Variants in BABAM2 observed in about 807,000 individuals in gnomAD.
BABAM2 encodes BRISC and BRCA1-A complex member 2.
Under a neutral mutation model 54.7 loss-of-function variants are expected in BABAM2, and 31 were observed. The ratio of observed to expected loss-of-function variants is 0.57; its 90% CI spans 0.43 to 0.77. The LOEUF is 0.77. Among genes scored for constraint, BABAM2 ranks in the 30% least tolerant of loss-of-function variants. The pLI is 0.00. For synonymous variants in BABAM2, 167 were observed against 162.9 expected, an observed-to-expected ratio of 1.03 and a Z score of -0.19; for missense variants, 364 against 455.8, an observed-to-expected ratio of 0.80 and a Z score of 1.83.
chr2:28,050,285 C>T (rs751639914), intron 6 of BABAM2, among the ~76,000 whole-genome samples: 2 of 152,202 alleles, frequency 1.3e-5, no homozygotes, highest in Non-Finnish European at 2.9e-5. Flanking sequence ...ACTTCTATGT[C>T]GTAGCCATGG....
intron 10 of BABAM2, among the ~76,000 whole-genome samples, chr2:28,265,174 T>C (rs776494201): frequency 6.6e-6 from 1 of 152,128 alleles, no homozygotes; most frequent in Non-Finnish European, 1.5e-5. Context: ...CGGTGGCTCA[T>C]GTCTGTAATC....
At chr2:28,129,118 T>C (rs1175192729) in intron 6 of BABAM2, among the ~76,000 whole-genome samples, 153 bp from the exon 7 acceptor site, 1 of 151,968 alleles carries the variant, frequency 6.6e-6, no homozygotes, top group Non-Finnish European at 1.5e-5. Context: ...GAGGAGTGGG[T>C]AGGTGTGTGG....
At chr2:27,987,473 A>G (rs1363970802) in intron 3 of BABAM2, among the ~76,000 whole-genome samples, 1 of 152,120 alleles carries the variant, frequency 6.6e-6, no homozygotes, top group East Asian at 1.9e-4. Flanking sequence ...TTCACAGTGT[A>G]CTTGGAGATA....
chr2:28,280,310 T>C (rs1686243968), intron 10 of BABAM2, among the ~76,000 whole-genome samples: 1 of 150,922 alleles, frequency 6.6e-6, no homozygotes, highest in African/African-American at 2.4e-5. Flanking sequence ...AATCCTGCTT[T>C]AGCCTCCCAA....
chr2:28,284,412 T>C (rs1380732311), intron 10 of BABAM2, among the ~76,000 whole-genome samples: 5 of 150,338 alleles, frequency 3.3e-5, no homozygotes, highest in African/African-American at 1.2e-4. Flanking sequence ...AAAAAAACAC[T>C]CACAAATAAA....
intron 3 of BABAM2, among the ~76,000 whole-genome samples, chr2:27,942,599 C>T (rs936634114): frequency 6.6e-6 from 1 of 150,754 alleles, no homozygotes; most frequent in Non-Finnish European, 1.5e-5. Context: ...AACTCCTGGG[C>T]TCAAGCAGTC....
At chr2:28,064,526 A>G (rs562874524) in intron 6 of BABAM2, among the ~76,000 whole-genome samples, 2 of 152,364 alleles carry the variant, frequency 1.3e-5, no homozygotes, top group South Asian at 2.1e-4. Flanking sequence ...CTGGAAATCA[A>G]CATGAAGCTA....
At chr2:28,061,165 T>A (rs1323365526) in intron 6 of BABAM2, among the ~76,000 whole-genome samples, 2 of 151,828 alleles carry the variant, frequency 1.3e-5, no homozygotes, top group Admixed American at 1.3e-4. Context: ...GAATAGAATA[T>A]TCAGAAATAG....
At chr2:28,271,529 G>A (rs1009827346) in intron 10 of BABAM2, among the ~76,000 whole-genome samples, 2 of 152,142 alleles carry the variant, frequency 1.3e-5, no homozygotes, top group Non-Finnish European at 2.9e-5. Flanking sequence ...TGAGAGCTCT[G>A]TCCACACATT....
chr2:28,294,786 A>G (rs1687551114), intron 10 of BABAM2, among the ~76,000 whole-genome samples: 1 of 152,210 alleles, frequency 6.6e-6, no homozygotes, highest in South Asian at 2.1e-4. Context: ...GTTGAGCAAG[A>G]TACTGTATTT....
chr2:27,888,911 A>G (rs560114786), upstream of BABAM2, among the ~76,000 whole-genome samples: 3 of 152,368 alleles, frequency 2.0e-5, no homozygotes, highest in East Asian at 5.8e-4. Context: ...CTCTTCAACA[A>G]ATGTCTCCAA....
intron 2 of BABAM2, among the ~76,000 whole-genome samples, chr2:27,901,136 G>A (rs1665769272): frequency 6.6e-6 from 1 of 151,872 alleles, no homozygotes; most frequent in Non-Finnish European, 1.5e-5. Flanking sequence ...AGATCTGAAG[G>A]GACCAAATTA....
At chr2:28,073,779 TA>T (rs1664388954) in intron 6 of BABAM2, among the ~76,000 whole-genome samples, 1 of 152,156 alleles carries the variant, frequency 6.6e-6, no homozygotes, top group South Asian at 2.1e-4. Flanking sequence ...GAATGTGTCA[TA>T]ATTTAATTAA....
At chr2:28,330,017 G>C (rs1381903819) in intron 11 of BABAM2, among the ~76,000 whole-genome samples, 1 of 152,184 alleles carries the variant, frequency 6.6e-6, no homozygotes, top group Non-Finnish European at 1.5e-5. Flanking sequence ...AGGATGCAAG[G>C]CTGGTTCAAC....
intron 2 of BABAM2, among the ~76,000 whole-genome samples, chr2:27,920,278 C>T (rs1667256775): frequency 6.6e-6 from 1 of 152,092 alleles, no homozygotes; most frequent in Admixed American, 6.6e-5. Flanking sequence ...ATAATTATAG[C>T]CCTTTCAAGG....
chr2:28,332,383 C>G (rs889441006), intron 11 of BABAM2, among the ~76,000 whole-genome samples: 1 of 152,148 alleles, frequency 6.6e-6, no homozygotes, highest in Non-Finnish European at 1.5e-5. Flanking sequence ...GTGGCTTGCT[C>G]AAGATCACAT....
At chr2:28,194,575 CTTTTTT>C (rs10684650) in intron 7 of BABAM2, among the ~76,000 whole-genome samples, 3 of 99,198 alleles carry the variant, frequency 3.0e-5, no homozygotes, top group Admixed American at 2.7e-4. Flanking sequence ...ACAACGTAGA[CTTTTTT>C]TTTTTTTTTT....
intron 3 of BABAM2, among the ~76,000 whole-genome samples, chr2:27,965,222 G>T (rs886704753): frequency 6.6e-6 from 1 of 152,046 alleles, no homozygotes; most frequent in Non-Finnish European, 1.5e-5. Flanking sequence ...TTCCAACTCT[G>T]TAAGTATGCT....
chr2:28,305,012 T>C (rs1688405031), intron 11 of BABAM2, among the ~76,000 whole-genome samples: 1 of 152,238 alleles, frequency 6.6e-6, no homozygotes, highest in Non-Finnish European at 1.5e-5. Flanking sequence ...CGCCTTATGC[T>C]AACAGCTTTA....
Sources: gnomAD v4.1 joint callset for allele counts (sites outside exome capture counted in the v4.1 genomes callset) on GRCh38, gnomAD v4.1.1 for gene constraint, MANE v1.5 for transcripts, NCBI Gene and HGNC (gene_info 2026-07-23, HGNC 2026-07-21) for gene names.